Variants in FER1L6 observed in about 807,000 individuals in gnomAD.
FER1L6 encodes fer-1 like family member 6, also known as fer-1-like protein 6.
In FER1L6, 177 loss-of-function variants were observed where a neutral mutation model predicts 219.2. The ratio of observed to expected loss-of-function variants is 0.81; its 90% CI spans 0.71 to 0.91. The LOEUF (loss-of-function observed/expected upper bound fraction) is 0.91, where lower values mean the gene tolerates loss of function less well. Ranked by LOEUF, FER1L6 falls within the 40% of genes least tolerant of loss-of-function variation. FER1L6 has a pLI of 0.00. For missense variants in FER1L6, 2,153 were observed against 2,259.9 expected (o/e 0.95, Z 0.96); for synonymous variants, 768 against 824.3 (o/e 0.93, Z 1.17).
At chr8:124,081,450 T>C (rs1263104412) in intron 32 of FER1L6, among the ~76,000 whole-genome samples, 1 of 152,062 alleles carries the variant, frequency 6.6e-6, no homozygotes, top group African/African-American at 2.4e-5. Flanking sequence ...TGATTGATGA[T>C]CTTGGGCAAG....
chr8:123,998,472 G>A (rs1023682236), intron 12 of FER1L6, among the ~76,000 whole-genome samples: 4 of 144,066 alleles, frequency 2.8e-5, no homozygotes, highest in Admixed American at 7.3e-5. Context: ...AAGCACTTCT[G>A]TTGCTACCAC....
chr8:123,885,948 C>A (rs1374553009), intron 1 of FER1L6, among the ~76,000 whole-genome samples: 1 of 152,212 alleles, frequency 6.6e-6, no homozygotes, highest in African/African-American at 2.4e-5. Context: ...GTGATGTTTT[C>A]TCACTTCTGG....
At chr8:123,938,386 T>C (rs1814086996) in intron 1 of FER1L6, among the ~76,000 whole-genome samples, 1 of 152,198 alleles carries the variant, frequency 6.6e-6, no homozygotes, top group South Asian at 2.1e-4. Context: ...GAATCATGAA[T>C]GGGAGTTGAG....
intron 1 of FER1L6, among the ~76,000 whole-genome samples, chr8:123,907,754 G>C (rs1812979095): frequency 7.3e-6 from 1 of 136,392 alleles, no homozygotes; most frequent in African/African-American, 2.7e-5. Flanking sequence ...TCTTATTCTG[G>C]GGAGTAGCAA....
intron 1 of FER1L6, among the ~76,000 whole-genome samples, chr8:123,898,336 C>T (rs908074045): frequency 2.0e-5 from 3 of 151,908 alleles, no homozygotes; most frequent in Non-Finnish European, 4.4e-5. Flanking sequence ...TATTTGGTTA[C>T]ATGAGTAAGT....
At chr8:123,874,685 C>T (rs1005457116) in intron 1 of FER1L6, among the ~76,000 whole-genome samples, 2 of 152,040 alleles carry the variant, frequency 1.3e-5, no homozygotes, top group Admixed American at 1.3e-4. Context: ...TAAGTCAATC[C>T]CCTCTGTATT....
chr8:123,931,416 G>T (rs1359567563), intron 1 of FER1L6, among the ~76,000 whole-genome samples: 2 of 152,142 alleles, frequency 1.3e-5, no homozygotes, highest in Non-Finnish European at 2.9e-5. Context: ...GACCTCTCTT[G>T]GTTCCATTGA....
At chr8:123,971,011 G>C (rs747597392) in intron 6 of FER1L6, among the ~76,000 whole-genome samples, 21 of 152,208 alleles carry the variant, frequency 1.4e-4, no homozygotes, top group Non-Finnish European at 2.4e-4. Context: ...AGAGGATACA[G>C]TTCCTACTTC....
chr8:123,966,302 A>T lies in FER1L6; in HGVS notation c.384+12A>T, dbSNP rs1427249651. ...CATTTTATAATGAAGTAAGTCATGG[A>T]GGTCACCCACAGCTTTTGCACTAAG... On this transcript the variant is annotated intron_variant, in intron 5 of 40. Coordinates refer to ENST00000522917, the MANE Select transcript of FER1L6 (RefSeq NM_001039112.2). The T allele has an allele frequency of 1.9e-6, 3 of 1,613,818 alleles. No homozygotes were observed. In the East Asian group the frequency reaches 6.7e-5, roughly 36 times the overall value.
chr8:123,970,034 G>C lies in FER1L6; in HGVS notation c.385-1G>C. 6.2e-7 allele frequency: 1 copy of C among 1,613,958 alleles called. No homozygotes were observed. The highest frequency in any genetic ancestry group is 8.5e-7 in the Non-Finnish European group (1 of 1,179,860). On this transcript the variant is annotated splice_acceptor_variant, in intron 5 of 40. Transcript: ENST00000522917. LOFTEE classifies it high-confidence loss of function. Reference sequence around the variant, plus strand: ...ACCAGAATGAACTTTTTGTTTTGCAGTACTTTGTCTTCGACTTCATTGGGC... The same window carrying C: ...ACCAGAATGAACTTTTTGTTTTGCACTACTTTGTCTTCGACTTCATTGGGC...
rs562252482 is a variant in FER1L6, at chr8:123,943,516, G to T, written c.-7-12476G>T. ...ACACACAGAAAGGACATTCCTGGGA[G>T]GTAGCCTGCTGTGCTCCACTGAGCC... On this transcript the variant is annotated intron_variant, in intron 1 of 40. Transcript: ENST00000522917. Among the ~76,000 whole-genome samples the T allele has an allele frequency of 2.6e-5, 4 of 152,274 alleles. No homozygotes were observed. In the East Asian group the frequency reaches 5.8e-4, roughly 22 times the overall value.
intron 2 of FER1L6, among the ~76,000 whole-genome samples, chr8:123,957,190 T>C (rs1815060545): frequency 6.6e-6 from 1 of 152,228 alleles, no homozygotes; most frequent in Non-Finnish European, 1.5e-5. Context: ...ACTTCACTCC[T>C]TGCCCTTAGG....
At chr8:124,067,578 T>C (rs185914619) in intron 27 of FER1L6, among the ~76,000 whole-genome samples, 189 bp from the exon 28 acceptor site, 13 of 152,342 alleles carry the variant, frequency 8.5e-5, no homozygotes, top group Non-Finnish European at 1.3e-4. Flanking sequence ...TTTTTTAGGA[T>C]AGGGCATCCT....
intron 12 of FER1L6, among the ~76,000 whole-genome samples, chr8:123,993,133 C>T (rs1011744730): frequency 6.6e-6 from 1 of 152,040 alleles, no homozygotes; most frequent in African/African-American, 2.4e-5. Context: ...GAGAATGTTC[C>T]CTGTGCTGAT....
intron 20 of FER1L6, chr8:124,040,812 C>T (rs1322519953): frequency 6.6e-6 from 1 of 152,210 alleles, no homozygotes; most frequent in African/African-American, 2.4e-5. Context: ...CCATGACAGC[C>T]TATTAATCAT....
Position 124,112,864 on chromosome 8 carries a change from T to C in FER1L6, c.5290-5980T>C, listed in dbSNP as rs559263932. The stretch of plus-strand genomic sequence containing the variant: ...AGCAGACAAGGGAGATATTTTTATA[T>C]AAAGATTTTTAAGATAGGGTGTATA... On this transcript the variant is annotated intron_variant, in intron 39 of 40. Transcript: ENST00000522917. Among the ~76,000 whole-genome samples the C allele has an allele frequency of 8.5e-5, 13 of 152,258 alleles. No individual in the cohort carries two copies. In the South Asian group the frequency reaches 2.3e-3, roughly 27 times the overall value.
chr8:124,071,368 C>T, intron 30 of FER1L6, 138 bp from the exon 31 acceptor site: 2 of 1,075,340 alleles, frequency 1.9e-6, no homozygotes, highest in Non-Finnish European at 2.7e-6. Context: ...CCCAAGGACA[C>T]CCAACTGGCA....
At chr8:124,041,316 T>C (rs1053950341) in intron 20 of FER1L6, among the ~76,000 whole-genome samples, 1 of 152,220 alleles carries the variant, frequency 6.6e-6, no homozygotes, top group African/African-American at 2.4e-5. Flanking sequence ...TATAAAATGA[T>C]TGATAAATGA....
chr8:123,947,156 C>T (rs542802581), intron 1 of FER1L6, among the ~76,000 whole-genome samples: 3 of 151,394 alleles, frequency 2.0e-5, no homozygotes, highest in African/African-American at 7.3e-5. Context: ...TGTGGTGGCA[C>T]GTGCCTGTAG....
Sources: gnomAD v4.1 joint callset for allele counts (sites outside exome capture counted in the v4.1 genomes callset) on GRCh38, gnomAD v4.1.1 for gene constraint, MANE v1.5 for transcripts, NCBI Gene and HGNC (gene_info 2026-07-23, HGNC 2026-07-21) for gene names.